The following IL21R variants were observed in gnomAD, a reference collection of about 807,000 sequenced individuals.
The protein encoded by IL21R is interleukin-21 receptor.
Under a neutral mutation model 41.3 loss-of-function variants are expected in IL21R, and 14 were observed. The ratio of observed to expected loss-of-function variants is 0.34; its 90% CI spans 0.22 to 0.53. The LOEUF (loss-of-function observed/expected upper bound fraction) is 0.53. IL21R is among the 20% of genes least tolerant of loss of function. The probability of loss-of-function intolerance (pLI) is 0.94; values close to 1 mark genes in which losing one functional copy is unlikely to be tolerated. For synonymous variants in IL21R, 286 were observed against 287.6 expected (o/e 0.99, Z 0.05); for missense variants, 588 against 681.6 (o/e 0.86, Z 1.53).
chr16:27,406,688 GA>G (rs965555116), intron 1 of IL21R, among the ~76,000 whole-genome samples: 392 of 143,074 alleles, frequency 2.7e-3, no homozygotes, highest in Non-Finnish European at 4.5e-3. Context: ...TGCCACTGGC[GA>G]AAAAAAAAAA....
chr16:27,426,421 G>A (rs2087079217), intron 1 of IL21R, among the ~76,000 whole-genome samples: 1 of 152,390 alleles, frequency 6.6e-6, no homozygotes, highest in African/African-American at 2.4e-5. Flanking sequence ...CAATAGGCTA[G>A]TGGCAGGAGT....
At chr16:27,437,187 C>T (rs920325456) in intron 3 of IL21R, among the ~76,000 whole-genome samples, 1 of 152,158 alleles carries the variant, frequency 6.6e-6, no homozygotes, top group Non-Finnish European at 1.5e-5. Flanking sequence ...TAGGCTTAGT[C>T]CAAGCAAGAA....
At chr16:27,403,333 T>G in intron 1 of IL21R, 7 of 1,082,850 alleles carry the variant, frequency 6.5e-6, no homozygotes, top group Non-Finnish European at 8.6e-6. Flanking sequence ...GGAGGAGCCC[T>G]GGGGAGCGGG....
chr16:27,418,399 C>T (rs2086935656), intron 1 of IL21R, among the ~76,000 whole-genome samples: 1 of 151,186 alleles, frequency 6.6e-6, no homozygotes, highest in Non-Finnish European at 1.5e-5. Context: ...GACAGAGTCT[C>T]ACTCTATCAC....
At position 27,443,044 on chromosome 16, in the gene IL21R, T is replaced by G; in HGVS notation, c.435T>G (p.Pro145=). The part of the protein sequence containing the change: ...NISWRSDYED[P]AFYMLKGKLQ... ...CCTGGCGCTCAGATTACGAAGACCC[T>G]GCCTTCTACATGCTGAAGGGCAAGC... Residue 145 remains proline (P), a synonymous_variant, in exon 5 of 9, where the codon CCT becomes CCG. Coordinates refer to ENST00000337929, the MANE Select transcript of IL21R (RefSeq NM_181078.3). The G allele has an allele frequency of 6.2e-7, 1 of 1,614,000 alleles. No homozygotes were observed. Among genetic ancestry groups the G allele is most frequent in the Non-Finnish European group, 8.5e-7 (1 of 1,179,914 alleles).
intron 1 of IL21R, among the ~76,000 whole-genome samples, chr16:27,405,470 C>G (rs1224312713): frequency 6.6e-6 from 1 of 152,230 alleles, no homozygotes; most frequent in African/African-American, 2.4e-5. Context: ...TCTGCTTCCC[C>G]CCTTTTACAG....
intron 1 of IL21R, among the ~76,000 whole-genome samples, chr16:27,404,087 T>C (rs1030655835): frequency 3.3e-5 from 5 of 152,052 alleles, no homozygotes; most frequent in East Asian, 3.9e-4. Flanking sequence ...GGAAGCAGCA[T>C]TGGATGGGGA....
At chr16:27,403,297 G>T (rs1235990782) in intron 1 of IL21R, 7 of 1,277,162 alleles carry the variant, frequency 5.5e-6, no homozygotes, top group Non-Finnish European at 7.2e-6. Context: ...AGCCTTGAAG[G>T]ATGGGAAAGG....
At chr16:27,439,055 G>C (rs2087324918) in intron 4 of IL21R, among the ~76,000 whole-genome samples, 1 of 152,162 alleles carries the variant, frequency 6.6e-6, no homozygotes. Flanking sequence ...TCTGCCGCTA[G>C]ATTCCCAGCA....
rs148730299 is a variant in IL21R, at chr16:27,412,024, C to T, written c.-17+9406C>T. Among the ~76,000 whole-genome samples the T allele has an allele frequency of 5.4e-4, 82 of 152,258 alleles. No individual in the cohort carries two copies. The East Asian group carries it at 0.013, about 25-fold the overall frequency. ...GAAATCATTGCCCATTCCAATTTCA[C>T]GAAGATTTTCCCATATGTTTTCTTC... is the stretch of plus-strand genomic sequence containing the variant. On this transcript the variant is annotated intron_variant, in intron 1 of 8. Transcript: ENST00000337929.
At chr16:27,445,145 G>T (rs375945306) in intron 6 of IL21R, 32 bp from the exon 7 acceptor site, 341 of 1,512,294 alleles carry the variant, frequency 2.3e-4, no homozygotes, top group Non-Finnish European at 3.0e-4. Flanking sequence ...TAGAGTTGGT[G>T]CCATTTAACC....
At chr16:27,415,590 A>G (rs1363047695) in intron 1 of IL21R, among the ~76,000 whole-genome samples, 1 of 152,150 alleles carries the variant, frequency 6.6e-6, no homozygotes, top group African/African-American at 2.4e-5. Context: ...TAGCAGAAAA[A>G]CGCGCAGGAA....
Position 27,446,869 on chromosome 16 carries a change from C to A in IL21R, c.867+781C>A, listed in dbSNP as rs374023882. On this transcript the variant is annotated intron_variant, in intron 8 of 8. Transcript: ENST00000337929. ...CTGTGCCCATTTACAGCCGTGTCAC[C>A]CACCCTGCAGCAGTGGGAGTGGCTG... Among the ~76,000 whole-genome samples, 57 of 152,378 alleles carry A rather than the reference C, an allele frequency of 3.7e-4. 1 individual carries two copies. The highest frequency in any genetic ancestry group is 1.2e-3 in the African/African-American group (51 of 41,588).
chr16:27,446,337 C>T (rs976528283), intron 8 of IL21R, among the ~76,000 whole-genome samples: 1 of 152,166 alleles, frequency 6.6e-6, no homozygotes, highest in African/African-American at 2.4e-5. Flanking sequence ...AATCCCAGCA[C>T]TTTGGGAGGC....
chr16:27,443,122 G>T lies in IL21R; in HGVS notation c.507+6G>T. ...GGGGAGACCCCTGGGCTGTGGTGAGGAATGTGGGGATCAGTGCAGCTTTGT... is the reference window on the plus strand; with the variant it reads ...GGGGAGACCCCTGGGCTGTGGTGAGTAATGTGGGGATCAGTGCAGCTTTGT... On this transcript the variant is annotated splice_donor_region_variant and intron_variant, in intron 5 of 8. Transcript: ENST00000337929. The T allele has an allele frequency of 6.2e-7, 1 of 1,606,122 alleles. No individual in the cohort carries two copies. Among genetic ancestry groups the T allele is most frequent in the South Asian group, 1.1e-5 (1 of 89,952 alleles).
chr16:27,443,174 C>T, intron 5 of IL21R, 58 bp downstream of exon 5: 3 of 1,380,262 alleles, frequency 2.2e-6, no homozygotes, highest in Non-Finnish European at 3.0e-6. Flanking sequence ...TGACGGAGTG[C>T]AAAGGCATCT....
rs762326301 is a variant in IL21R at position 27,448,569 on chromosome 16, G to A, written c.903G>A (p.Leu301=). The stretch of plus-strand genomic sequence containing the variant: ...GTGCACCCTTCACTGGCTCCAGCCT[G>A]GAGCTGGGACCCTGGAGCCCAGAGG... ...WVGAPFTGSS[L]ELGPWSPEVP... Residue 301 remains leucine, a synonymous_variant, in exon 9 of 9, where the codon CTG becomes CTA. Transcript: ENST00000337929. The A allele has an allele frequency of 1.2e-6, 2 of 1,610,900 alleles. No homozygotes were observed. Among genetic ancestry groups the A allele is most frequent in the South Asian group, 1.1e-5 (1 of 90,846 alleles).
chr16:27,442,457 G>C (rs1051515347), intron 4 of IL21R, among the ~76,000 whole-genome samples: 2 of 152,116 alleles, frequency 1.3e-5, no homozygotes, highest in Non-Finnish European at 2.9e-5. Flanking sequence ...TCTGCCTCCC[G>C]GGTTCACGCC....
At chr16:27,427,284 CT>C (rs2087094818) in intron 1 of IL21R, 2 of 985,530 alleles carry the variant, frequency 2.0e-6, no homozygotes, top group African/African-American at 3.5e-5. Context: ...TAGAGGAGCT[CT>C]TTGGGAAGAG....
Sources: allele counts gnomAD v4.1 joint callset (sites outside exome capture counted in the v4.1 genomes callset), GRCh38; gene constraint gnomAD v4.1.1; transcripts MANE v1.5; gene names NCBI Gene and HGNC (gene_info 2026-07-23, HGNC 2026-07-21).